The following ZBTB7C variants were observed in gnomAD, a reference collection of about 807,000 sequenced individuals.
The protein encoded by ZBTB7C is zinc finger and BTB domain-containing protein 7C.
Under a neutral mutation model 25.7 loss-of-function variants are expected in ZBTB7C, and 8 were observed. The ratio of observed to expected loss-of-function variants is 0.31; its 90% confidence interval spans 0.18 to 0.56. The LOEUF (loss-of-function observed/expected upper bound fraction) is 0.56. Among genes scored for constraint, ZBTB7C ranks in the 20% least tolerant of loss-of-function variants. ZBTB7C has a pLI of 0.91. For synonymous variants in ZBTB7C, 394 were observed against 369.0 expected (o/e 1.07, Z -0.78); for missense variants, 824 against 855.2 (o/e 0.96, Z 0.46).
At chr18:48,277,858 C>T (rs992644093) in intron 2 of ZBTB7C, among the ~76,000 whole-genome samples, 1 of 151,678 alleles carries the variant, frequency 6.6e-6, no homozygotes, top group African/African-American at 2.4e-5. Flanking sequence ...TTAAATCGAC[C>T]CCCTTCCTTT....
chr18:48,068,138 CTTTT>C (rs1266919637), intron 3 of ZBTB7C, among the ~76,000 whole-genome samples: 3 of 124,978 alleles, frequency 2.4e-5, no homozygotes, highest in Non-Finnish European at 3.3e-5. Context: ...CCTTGTAAGT[CTTTT>C]TTTTTTTTTT....
At chr18:48,196,000 C>T (rs1438066101) in intron 2 of ZBTB7C, among the ~76,000 whole-genome samples, 1 of 152,180 alleles carries the variant, frequency 6.6e-6, no homozygotes, top group Non-Finnish European at 1.5e-5. Context: ...AAGCATTTGG[C>T]TCAGCTGGTG....
chr18:48,387,735 A>G (rs1416039962), intron 1 of ZBTB7C, among the ~76,000 whole-genome samples: 2 of 152,250 alleles, frequency 1.3e-5, no homozygotes, highest in African/African-American at 4.8e-5. Flanking sequence ...ACCAGCTGAC[A>G]GCAAAACAGA....
At chr18:48,068,589 G>A (rs902231430) in intron 3 of ZBTB7C, among the ~76,000 whole-genome samples, 19 of 152,148 alleles carry the variant, frequency 1.2e-4, no homozygotes, top group African/African-American at 4.1e-4. Context: ...GGGCATCAGT[G>A]TTTTAAAACT....
intron 3 of ZBTB7C, among the ~76,000 whole-genome samples, chr18:48,178,663 G>T (rs2041769438): frequency 6.6e-6 from 1 of 152,176 alleles, no homozygotes; most frequent in African/African-American, 2.4e-5. Context: ...CAAAATATTA[G>T]CTGATGCCTG....
chr18:48,199,947 C>T (rs16948885), intron 2 of ZBTB7C, among the ~76,000 whole-genome samples: 15,150 of 152,024 alleles, frequency 0.1, 875 homozygotes, highest in Middle Eastern at 0.16. Flanking sequence ...AGTGGTGACA[C>T]TTCTAGCACT....
intron 3 of ZBTB7C, among the ~76,000 whole-genome samples, chr18:48,152,555 C>T (rs937325483): frequency 3.9e-5 from 6 of 152,162 alleles, no homozygotes; most frequent in Non-Finnish European, 8.8e-5. Context: ...AATCATTATT[C>T]ATGCCACCTA....
At chr18:48,339,005 A>T (rs1244286335) in intron 1 of ZBTB7C, among the ~76,000 whole-genome samples, 1 of 152,198 alleles carries the variant, frequency 6.6e-6, no homozygotes, top group African/African-American at 2.4e-5. Context: ...CAAAAGTGGA[A>T]ACACAAACCT....
intron 3 of ZBTB7C, among the ~76,000 whole-genome samples, chr18:48,125,533 G>A (rs910323636): frequency 1.6e-4 from 25 of 152,288 alleles, no homozygotes; most frequent in East Asian, 7.7e-4. Context: ...TTCAGGATTC[G>A]GCTAACCCTG....
intron 2 of ZBTB7C, among the ~76,000 whole-genome samples, chr18:48,337,010 C>T (rs188393526): frequency 6.6e-6 from 1 of 152,294 alleles, no homozygotes; most frequent in East Asian, 1.9e-4. Flanking sequence ...GACAGGAGTC[C>T]AGTTCCGAGC....
At chr18:48,185,664 G>T (rs1228113169) in intron 3 of ZBTB7C, among the ~76,000 whole-genome samples, 1 of 152,062 alleles carries the variant, frequency 6.6e-6, no homozygotes, top group East Asian at 1.9e-4. Flanking sequence ...CTGCTCTCCC[G>T]CACAGCAATC....
chr18:48,230,021 C>T (rs1224102039), intron 2 of ZBTB7C, among the ~76,000 whole-genome samples: 2 of 152,226 alleles, frequency 1.3e-5, no homozygotes, highest in Non-Finnish European at 2.9e-5. Context: ...GGCCTCGAAG[C>T]AGAGCCTTTC....
Position 48,228,747 on chromosome 18 carries a change from T to TCACACACA in ZBTB7C, c.-78-42760_-78-42753dup, listed in dbSNP as rs55895960. On this transcript the variant is annotated intron_variant, in intron 2 of 4. Coordinates refer to ENST00000590800, the MANE Select transcript of ZBTB7C (RefSeq NM_001318841.2). ...CTCTCTCTCTGTCTCTCTCTCTCTC[T>TCACACACA]CACACACACACACACACACACACAC... Among the ~76,000 whole-genome samples, 349 of 141,162 alleles carry TCACACACA rather than the reference T, an allele frequency of 2.5e-3. 2 individuals are homozygous for TCACACACA. Among genetic ancestry groups the TCACACACA allele is most frequent in the African/African-American group, 8.3e-3 (313 of 37,570 alleles). The allele number at this position is 141,162 out of a possible 152,430, so 92.6% of individuals were successfully genotyped here. A position where few individuals can be genotyped will look rare whatever the true frequency, so the allele number is the denominator to read the frequency against.
At chr18:48,361,892 C>T (rs960235246) in intron 1 of ZBTB7C, among the ~76,000 whole-genome samples, 1 of 152,226 alleles carries the variant, frequency 6.6e-6, no homozygotes, top group African/African-American at 2.4e-5. Flanking sequence ...TGTGGTCAGA[C>T]ACACAGCCCT....
rs765986299 is a variant in ZBTB7C, at chr18:48,029,703, G to A, written c.1417C>T (p.Arg473Cys). Reference sequence around the variant, plus strand: ...CGGCCGCGTCGGGGCCGTGCCATGCGGCAGCTCTGGCGCTTGATGTGGCGG... The same window carrying A: ...CGGCCGCGTCGGGGCCGTGCCATGCAGCAGCTCTGGCGCTTGATGTGGCGG... ...LHRHIKRQSC[R>C]MARPRRGRKP... Residue 473 changes from arginine to cysteine, a missense_variant, in exon 5 of 5, where the codon CGC becomes TGC. Transcript: ENST00000590800. 6.2e-7 allele frequency: 1 copy of A among 1,602,308 alleles called. No homozygotes were observed. Among genetic ancestry groups the A allele is most frequent in the Non-Finnish European group, 8.5e-7 (1 of 1,178,764 alleles).
intron 3 of ZBTB7C, chr18:48,148,689 G>A (rs768951037): frequency 1.1e-4 from 16 of 152,214 alleles, no homozygotes; most frequent in Non-Finnish European, 1.5e-5. Context: ...ATCTGGTGAC[G>A]AATTCTTGCC....
intron 3 of ZBTB7C, chr18:48,150,419 T>C (rs906939367): frequency 1.3e-5 from 2 of 151,940 alleles, no homozygotes; most frequent in African/African-American, 2.4e-5. Context: ...CTGTCTCTAC[T>C]AAAAACACAA....
At chr18:48,081,918 T>C (rs899135724) in intron 3 of ZBTB7C, among the ~76,000 whole-genome samples, 2 of 152,234 alleles carry the variant, frequency 1.3e-5, no homozygotes, top group East Asian at 1.9e-4. Context: ...ATGAATTACA[T>C]GTTGAAATGA....
intron 3 of ZBTB7C, among the ~76,000 whole-genome samples, chr18:48,129,158 T>C (rs903527383): frequency 1.3e-5 from 2 of 151,764 alleles, no homozygotes; most frequent in African/African-American, 4.8e-5. Context: ...AGCATGAAGA[T>C]ACCAGGGGAA....
Sources: allele counts gnomAD v4.1 joint callset (sites outside exome capture counted in the v4.1 genomes callset), GRCh38; gene constraint gnomAD v4.1.1; transcripts MANE v1.5; gene names NCBI Gene and HGNC (gene_info 2026-07-23, HGNC 2026-07-21).